VNN2: variants seen among roughly 807,000 people sequenced by gnomAD.
VNN2 encodes the protein vanin 2.
VNN2 carries 43 observed loss-of-function variants against 43.0 expected under a neutral mutation model. The ratio of observed to expected loss-of-function variants is 1.00; its 90% confidence interval spans 0.78 to 1.29. The LOEUF (loss-of-function observed/expected upper bound fraction) is 1.29. VNN2 is among the 50% of genes most tolerant of loss of function. The probability of loss-of-function intolerance (pLI) is 0.00; values close to 1 mark genes in which losing one functional copy is unlikely to be tolerated. For missense variants in VNN2, 652 were observed against 619.7 expected (o/e 1.05, Z -0.55); for synonymous variants, 230 against 224.3 (o/e 1.03, Z -0.23).
At chr6:132,749,986 G>A in intron 5 of VNN2, 121 bp from the exon 6 acceptor site, 1 of 957,786 alleles carries the variant, frequency 1.0e-6, no homozygotes, top group Non-Finnish European at 1.5e-6. Context: ...AAAGGGATTT[G>A]GATCATGTGT....
In VNN2 at chr6:132,756,046, T is replaced by C; in HGVS notation, c.345-11A>G. The C allele has an allele frequency of 6.5e-7, 1 of 1,541,824 alleles. No individual in the cohort carries two copies. The highest frequency in any genetic ancestry group is 1.2e-5 in the South Asian group (1 of 80,472). On this transcript the variant is annotated splice_polypyrimidine_tract_variant and intron_variant, in intron 2 of 6. Transcript: ENST00000326499. ...GGTGTGTGACCAAATCTAAACCAAA[T>C]TATAATTAAGAAATTTCAATTTTAA...
At chr6:132,758,655 CG>C (rs34108170), upstream of VNN2, among the ~76,000 whole-genome samples, 983 of 151,776 alleles carry the variant, frequency 6.5e-3, 13 homozygotes, top group African/African-American at 0.022. Flanking sequence ...TATTTTTAGA[CG>C]GGGGGGAAAA....
At chr6:132,755,361 CT>C (rs1255877877) in intron 3 of VNN2, among the ~76,000 whole-genome samples, 1 of 136,996 alleles carries the variant, frequency 7.3e-6, no homozygotes, top group Non-Finnish European at 1.6e-5. Context: ...GTGTCATTTT[CT>C]TTTTTCTTTT....
intron 4 of VNN2, among the ~76,000 whole-genome samples, chr6:132,751,731 A>G (rs1780118987): frequency 6.6e-6 from 1 of 152,182 alleles, no homozygotes; most frequent in South Asian, 2.1e-4. Flanking sequence ...TTTCAATTAA[A>G]CCTTAAATAT....
chr6:132,752,364 T>A, intron 4 of VNN2, 97 bp downstream of exon 4: 1 of 1,422,840 alleles, frequency 7.0e-7, no homozygotes, highest in Non-Finnish European at 9.4e-7. Flanking sequence ...ACAGTAAGAA[T>A]TTCCAATAAG....
At chr6:132,750,928 G>C (rs1329812432) in intron 5 of VNN2, among the ~76,000 whole-genome samples, 1 of 152,098 alleles carries the variant, frequency 6.6e-6, no homozygotes, top group Non-Finnish European at 1.5e-5. Flanking sequence ...CTTAAAGCAA[G>C]CAATAAGATT....
Position 132,757,558 on chromosome 6 carries a change from A to T in VNN2, c.214-12T>A. The T allele has an allele frequency of 6.2e-7, 1 of 1,611,448 alleles. No homozygotes were observed. The highest frequency in any genetic ancestry group is 1.1e-5 in the South Asian group (1 of 90,728). ...ATGATTCGAGCACCCTGTTCAAAAC[A>T]AGCAAAATAAAAATGATTTTTCCAT... On this transcript the variant is annotated splice_polypyrimidine_tract_variant and intron_variant, in intron 1 of 6. Coordinates refer to ENST00000326499, the MANE Select transcript of VNN2 (RefSeq NM_004665.6).
At chr6:132,758,655 C>T (rs6911025), upstream of VNN2, among the ~76,000 whole-genome samples, 53,242 of 151,710 alleles carry the variant, frequency 0.35, 10,017 homozygotes, top group Middle Eastern at 0.52. Context: ...TATTTTTAGA[C>T]GGGGGGGAAA....
rs572865268 is a variant in VNN2, at chr6:132,744,843, G to A, written c.1372-352C>T. Among the ~76,000 whole-genome samples the A allele has an allele frequency of 5.3e-5, 8 of 152,150 alleles. No individual in the cohort carries two copies. The East Asian group carries it at 7.7e-4, about 15-fold the overall frequency. ...TAAAGAGCTAATGGTGAAATGGAGC[G>A]GATTCTAAACATAAAGAGAGAAATC... On this transcript the variant is annotated intron_variant, in intron 6 of 6. Coordinates refer to ENST00000326499, the MANE Select transcript of VNN2 (RefSeq NM_004665.6).
Position 132,757,444 on chromosome 6 carries a change from T to C in VNN2, c.316A>G (p.Asn106Asp). Reference protein sequence around the residue: ...YLEDIPDPQVNWIPCQDPHRF... With the variant: ...YLEDIPDPQVDWIPCQDPHRF... Reference sequence around the variant, plus strand: ...TGGGGGTCTTGACACGGAATCCAGTTCACCTGAGGGTCTGGGATATCCTCC... The same window carrying C: ...TGGGGGTCTTGACACGGAATCCAGTCCACCTGAGGGTCTGGGATATCCTCC... Residue 106 changes from asparagine to aspartate, a missense_variant, in exon 2 of 7, where the codon AAC becomes GAC. Physicochemically the swap from Asn to Asp is conservative, Grantham distance 23. Coordinates refer to ENST00000326499, the MANE Select transcript of VNN2 (RefSeq NM_004665.6). The C allele has an allele frequency of 6.2e-7, 1 of 1,611,406 alleles. No homozygotes were observed. Among genetic ancestry groups the C allele is most frequent in the Non-Finnish European group, 8.5e-7 (1 of 1,179,280 alleles).
intron 6 of VNN2, among the ~76,000 whole-genome samples, chr6:132,745,048 A>G (rs927405705): frequency 6.6e-6 from 1 of 152,204 alleles, no homozygotes; most frequent in Non-Finnish European, 1.5e-5. Flanking sequence ...GAACCAGCAA[A>G]GGCTCATTCT....
intron 3 of VNN2, among the ~76,000 whole-genome samples, chr6:132,755,052 C>T (rs1264932960): frequency 1.3e-5 from 2 of 152,078 alleles, no homozygotes; most frequent in Admixed American, 6.6e-5. Flanking sequence ...TGCCTACAGT[C>T]TCAGCTACTT....
upstream of VNN2, among the ~76,000 whole-genome samples, chr6:132,759,415 G>A (rs145314192): frequency 0.025 from 3,574 of 143,528 alleles, 64 homozygotes; most frequent in Middle Eastern, 0.055. Flanking sequence ...CTCCAGGCTG[G>A]GCGACAGAGC....
rs188974514 is a variant in VNN2 at position 132,749,160 on chromosome 6, C to T, written c.1371+535G>A. Among the ~76,000 whole-genome samples the T allele has an allele frequency of 3.2e-4, 48 of 152,150 alleles. 1 individual carries two copies. The highest frequency in any genetic ancestry group is 5.3e-4 in the Non-Finnish European group (36 of 67,992). On this transcript the variant is annotated intron_variant, in intron 6 of 6. Coordinates refer to ENST00000326499, the MANE Select transcript of VNN2 (RefSeq NM_004665.6). ...CCCTCCTTGACCCATGTCCTTTTGC[C>T]GTGTGATTTTATAGCTCTTCCCATT...
upstream of VNN2, among the ~76,000 whole-genome samples, chr6:132,761,828 G>A (rs575556659): frequency 1.3e-5 from 2 of 152,106 alleles, no homozygotes; most frequent in Non-Finnish European, 2.9e-5. Flanking sequence ...GCATAGGGGT[G>A]TAGTTTCTGC....
At chr6:132,749,663 A>T (rs751961644) in intron 6 of VNN2, 32 bp downstream of exon 6, 2 of 1,580,570 alleles carry the variant, frequency 1.3e-6, no homozygotes, top group African/African-American at 1.4e-5. Flanking sequence ...AGAACATATA[A>T]AATGAAAATA....
rs1234546583 is a variant in VNN2 at position 132,751,163 on chromosome 6, C to A, written c.1182G>T (p.Arg394Ser). The part of the protein sequence containing the change: ...LGAFTGLHGR[R>S]RREYWQVCTL... Reference sequence around the variant, plus strand: ...AAATTACCTGCCAGTACTCTCTTCTCCTTCGGCCATGTAATCCTGTAAAAG... The same window carrying A: ...AAATTACCTGCCAGTACTCTCTTCTACTTCGGCCATGTAATCCTGTAAAAG... Residue 394 changes from arginine to serine, a missense_variant, in exon 5 of 7, where the codon AGG (arginine) becomes AGT (serine). Transcript: ENST00000326499. 1 of 1,604,216 alleles carries A rather than the reference C, an allele frequency of 6.2e-7. No individual in the cohort carries two copies.
chr6:132,752,375 CA>C, intron 4 of VNN2, 85 bp downstream of exon 4: 1 of 1,461,540 alleles, frequency 6.8e-7, no homozygotes. Context: ...TTCCAATAAG[CA>C]AAAAATTAAT....
At chr6:132,754,184 C>T (rs1250768281) in intron 3 of VNN2, among the ~76,000 whole-genome samples, 3 of 152,110 alleles carry the variant, frequency 2.0e-5, no homozygotes, top group Non-Finnish European at 4.4e-5. Context: ...CAAATGATTA[C>T]TGCAAATAAA....
Sources: gnomAD v4.1 joint callset for allele counts (sites outside exome capture counted in the v4.1 genomes callset) on GRCh38, gnomAD v4.1.1 for gene constraint, MANE v1.5 for transcripts, NCBI Gene and HGNC (gene_info 2026-07-23, HGNC 2026-07-21) for gene names.